The following RALYL variants were observed in gnomAD, a reference collection of about 807,000 sequenced individuals.
The protein encoded by RALYL is RALY RNA binding protein like.
RALYL carries 29 observed loss-of-function variants against 35.1 expected under a neutral mutation model. The ratio of observed to expected loss-of-function variants is 0.83; its 90% CI spans 0.61 to 1.13. The LOEUF (loss-of-function observed/expected upper bound fraction) is 1.13. RALYL is among the 50% of genes most tolerant of loss of function. RALYL has a pLI of 0.00. For missense variants in RALYL, 359 were observed against 360.4 expected (o/e 1.00, Z 0.03); for synonymous variants, 120 against 127.6 (o/e 0.94, Z 0.40).
chr8:84,670,110 A>G (rs1832916987), intron 2 of RALYL, among the ~76,000 whole-genome samples: 1 of 150,988 alleles, frequency 6.6e-6, no homozygotes, highest in East Asian at 1.9e-4. Context: ...TTCTCTGACT[A>G]TTTCCTGCTG....
chr8:84,286,728 T>A (rs753925363), intron 1 of RALYL, among the ~76,000 whole-genome samples: 1 of 152,152 alleles, frequency 6.6e-6, no homozygotes, highest in Non-Finnish European at 1.5e-5. Context: ...ATTAAAAGAT[T>A]TTCTGATTTG....
intron 1 of RALYL, among the ~76,000 whole-genome samples, chr8:84,313,042 C>A (rs372862738): frequency 3.9e-4 from 60 of 152,344 alleles, no homozygotes; most frequent in African/African-American, 1.4e-3. Flanking sequence ...GGCTGCCAAG[C>A]CTCACCTCTT....
chr8:84,434,885 C>G (rs530861522), intron 1 of RALYL, among the ~76,000 whole-genome samples: 1 of 152,222 alleles, frequency 6.6e-6, no homozygotes, highest in African/African-American at 2.4e-5. Context: ...CTTGATCAAA[C>G]TGCTAATATT....
intron 2 of RALYL, among the ~76,000 whole-genome samples, chr8:84,735,248 C>T (rs1292497531): frequency 6.6e-6 from 1 of 151,868 alleles, no homozygotes; most frequent in Admixed American, 6.6e-5. Context: ...GTTCTTCATG[C>T]TGTATCCACA....
rs536626858 is a variant in RALYL at position 84,191,134 on chromosome 8, A to G, written c.-24+6710A>G. Among the ~76,000 whole-genome samples, 10 of 151,910 alleles carry G rather than the reference A, an allele frequency of 6.6e-5. No individual in the cohort carries two copies. The East Asian group carries it at 1.9e-3, about 30-fold the overall frequency. The stretch of plus-strand genomic sequence containing the variant: ...CCTCAATATGATGTGGCAGCGTCAT[A>G]AAGAGGGCTGTTGTTCCCAGGATTG... On this transcript the variant is annotated intron_variant, in intron 1 of 8. Coordinates refer to ENST00000521268, the MANE Select transcript of RALYL (RefSeq NM_173848.7).
At chr8:84,213,852 C>G (rs1396708256) in intron 1 of RALYL, among the ~76,000 whole-genome samples, 6 of 152,134 alleles carry the variant, frequency 3.9e-5, no homozygotes, top group Admixed American at 2.6e-4. Flanking sequence ...AACGATCAAT[C>G]TATGTATTGT....
At chr8:84,374,902 T>C (rs755942211) in intron 1 of RALYL, among the ~76,000 whole-genome samples, 5 of 151,608 alleles carry the variant, frequency 3.3e-5, no homozygotes, top group Non-Finnish European at 5.9e-5. Flanking sequence ...TGAAAATAAA[T>C]AGAACACTAA....
intron 2 of RALYL, chr8:84,705,799 G>A: frequency 1.2e-6 from 1 of 850,604 alleles, no homozygotes; most frequent in Non-Finnish European, 1.6e-6. Flanking sequence ...GGGAGGTGAA[G>A]GAAATACAAT....
intron 8 of RALYL, among the ~76,000 whole-genome samples, chr8:84,902,377 T>C (rs1440792147): frequency 6.6e-6 from 1 of 152,076 alleles, no homozygotes; most frequent in East Asian, 1.9e-4. Flanking sequence ...TGCTAAACCA[T>C]TCATGAGAAA....
intron 2 of RALYL, among the ~76,000 whole-genome samples, chr8:84,549,856 C>A (rs1486442632): frequency 6.6e-6 from 1 of 152,164 alleles, no homozygotes; most frequent in African/African-American, 2.4e-5. Context: ...TGATCAGAAG[C>A]TAAACTCCTC....
intron 2 of RALYL, among the ~76,000 whole-genome samples, chr8:84,645,615 C>A (rs569223745): frequency 6.6e-6 from 1 of 152,066 alleles, no homozygotes; most frequent in South Asian, 2.1e-4. Context: ...AGTCTCAGTT[C>A]TTTGTCTTAG....
intron 1 of RALYL, among the ~76,000 whole-genome samples, chr8:84,345,526 A>G (rs1169120351): frequency 6.6e-6 from 1 of 152,068 alleles, no homozygotes; most frequent in Non-Finnish European, 1.5e-5. Flanking sequence ...CTTTTTATGT[A>G]TTCTGTAAGT....
intron 4 of RALYL, among the ~76,000 whole-genome samples, chr8:84,832,865 T>A (rs1831193565): frequency 1.3e-5 from 2 of 152,172 alleles, no homozygotes; most frequent in African/African-American, 2.4e-5. Context: ...ATTTTACGAT[T>A]CTATTCTTTT....
chr8:84,435,203 T>C (rs2047571154), intron 1 of RALYL, among the ~76,000 whole-genome samples: 1 of 151,708 alleles, frequency 6.6e-6, no homozygotes, highest in South Asian at 2.1e-4. Flanking sequence ...TATTTCTTTC[T>C]GTACCAGAGC....
At position 84,572,426 on chromosome 8, in the gene RALYL, A is replaced by T. The variant is rs140534390; in HGVS notation, c.256+42849A>T. Among the ~76,000 whole-genome samples the T allele has an allele frequency of 5.8e-3, 883 of 151,714 alleles. 13 individuals carry two copies. Among genetic ancestry groups the T allele is most frequent in the African/African-American group, 0.02 (815 of 41,470 alleles). On this transcript the variant is annotated intron_variant, in intron 2 of 8. Transcript: ENST00000521268. ...GCTTACCTGTCCTTTTATGATGGTGAGTATTATCCATCCATTTCCACTTTT... is the reference window on the plus strand; with the variant it reads ...GCTTACCTGTCCTTTTATGATGGTGTGTATTATCCATCCATTTCCACTTTT...
chr8:84,267,427 C>A (rs1833543510), intron 1 of RALYL, among the ~76,000 whole-genome samples: 2 of 152,032 alleles, frequency 1.3e-5, no homozygotes, highest in South Asian at 2.1e-4. Context: ...TTAATTATTA[C>A]CTCCTTTTGT....
chr8:84,802,678 T>A (rs1823628365), intron 3 of RALYL, among the ~76,000 whole-genome samples: 1 of 152,180 alleles, frequency 6.6e-6, no homozygotes. Flanking sequence ...TTTTGATAAT[T>A]GCAGAGGGAA....
chr8:84,368,361 C>G lies in RALYL; in HGVS notation c.-23-160938C>G, dbSNP rs1316877093. 2.6e-5 allele frequency among the ~76,000 whole-genome samples: 4 copies of G among 151,988 alleles called. No homozygotes were observed. The East Asian group carries it at 7.7e-4, about 29-fold the overall frequency. On this transcript the variant is annotated intron_variant, in intron 1 of 8. Transcript: ENST00000521268. ...AATGTACTATTATAATTTTGATGCA[C>G]AAAATTATATCTAAAATGCTTAGAC...
At chr8:84,299,466 A>G (rs1840367845) in intron 1 of RALYL, among the ~76,000 whole-genome samples, 2 of 151,830 alleles carry the variant, frequency 1.3e-5, no homozygotes, top group Non-Finnish European at 2.9e-5. Context: ...CGGTATCAGG[A>G]TGATACTGGC....
Sources: allele counts gnomAD v4.1 joint callset (sites outside exome capture counted in the v4.1 genomes callset), GRCh38; gene constraint gnomAD v4.1.1; transcripts MANE v1.5; gene names NCBI Gene and HGNC (gene_info 2026-07-23, HGNC 2026-07-21).